Variants in RORA observed in about 807,000 individuals in gnomAD.
The protein encoded by RORA is RAR related orphan receptor A.
In RORA, 7 loss-of-function variants were observed where a neutral mutation model predicts 69.5. The observed-to-expected ratio is 0.10, with a 90% CI of 0.06 to 0.19. The LOEUF (loss-of-function observed/expected upper bound fraction) is 0.19. Among genes scored for constraint, RORA ranks in the 10% least tolerant of loss-of-function variants. The probability of loss-of-function intolerance (pLI) is 1.00; values close to 1 mark genes in which losing one functional copy is unlikely to be tolerated. For missense variants in RORA, 457 were observed against 663.0 expected (o/e 0.69, Z 3.41); for synonymous variants, 261 against 240.8 (o/e 1.08, Z -0.78).
chr15:61,018,021 A>C (rs1173814844), intron 1 of RORA, among the ~76,000 whole-genome samples: 2 of 152,246 alleles, frequency 1.3e-5, no homozygotes, highest in African/African-American at 4.8e-5. Flanking sequence ...GCTCTTCTTA[A>C]GCACTTAGAA....
intron 1 of RORA, among the ~76,000 whole-genome samples, chr15:60,917,276 A>G (rs1891903407): frequency 6.6e-6 from 1 of 152,152 alleles, no homozygotes; most frequent in Non-Finnish European, 1.5e-5. Context: ...TAATATAATT[A>G]TTGCTTTTAC....
chr15:61,169,219 C>T (rs2079564362), intron 1 of RORA, among the ~76,000 whole-genome samples: 2 of 151,960 alleles, frequency 1.3e-5, no homozygotes, highest in Non-Finnish European at 2.9e-5. Flanking sequence ...CTCCCTTCGC[C>T]TTAACCCTTG....
intron 1 of RORA, among the ~76,000 whole-genome samples, chr15:60,856,720 G>A (rs1453170922): frequency 6.6e-6 from 1 of 152,224 alleles, no homozygotes; most frequent in Non-Finnish European, 1.5e-5. Context: ...AAGAGAGAAA[G>A]TGCTGCCTCT....
intron 1 of RORA, among the ~76,000 whole-genome samples, chr15:61,102,695 C>T (rs372618131): frequency 1.3e-5 from 2 of 152,218 alleles, no homozygotes; most frequent in South Asian, 4.1e-4. Context: ...CTCACAATCA[C>T]TCAACCTGCT....
In RORA at chr15:60,635,052, G is replaced by A. The variant is rs184877397; in HGVS notation, c.196+43605C>T. On this transcript the variant is annotated intron_variant, in intron 2 of 10. Transcript: ENST00000335670. ...CAAGAAGTAAGCTAATGAAACCCACGGAGCACGGCCTGCCCCTCTGCTTCC... is the reference window on the plus strand; with the variant it reads ...CAAGAAGTAAGCTAATGAAACCCACAGAGCACGGCCTGCCCCTCTGCTTCC... 1.1e-4 allele frequency among the ~76,000 whole-genome samples: 16 copies of A among 152,242 alleles called. No individual in the cohort carries two copies. The South Asian group carries it at 2.1e-3, about 20-fold the overall frequency.
chr15:60,849,904 G>A (rs1489765718), intron 1 of RORA, among the ~76,000 whole-genome samples: 1 of 152,158 alleles, frequency 6.6e-6, no homozygotes, highest in Non-Finnish European at 1.5e-5. Flanking sequence ...GGCTAGTGAG[G>A]TGCGTCTCAA....
intron 1 of RORA, among the ~76,000 whole-genome samples, chr15:61,163,147 T>A (rs1405889964): frequency 6.6e-6 from 1 of 152,222 alleles, no homozygotes; most frequent in Non-Finnish European, 1.5e-5. Context: ...TGTTTTCCAG[T>A]TAACTATCTA....
intron 1 of RORA, among the ~76,000 whole-genome samples, chr15:60,831,125 C>G (rs341391): frequency 0.46 from 70,097 of 152,176 alleles, 17,780 homozygotes; most frequent in African/African-American, 0.67. Context: ...CTGTGTCTTC[C>G]GCTCTCTTCT....
intron 2 of RORA, among the ~76,000 whole-genome samples, chr15:60,568,018 T>C (rs1375256683): frequency 1.3e-5 from 2 of 152,210 alleles, no homozygotes; most frequent in Non-Finnish European, 2.9e-5. Context: ...TAATTCTTTG[T>C]TGTGGCTAGA....
chr15:60,505,373 C>T (rs1234346435), intron 6 of RORA, 135 bp downstream of exon 6: 1 of 910,070 alleles, frequency 1.1e-6, no homozygotes, highest in Admixed American at 2.3e-5. Context: ...TTAGTAGCTT[C>T]AGAAAAAAGA....
chr15:60,572,755 ACTATT>A (rs958718966), intron 2 of RORA, among the ~76,000 whole-genome samples: 1 of 152,186 alleles, frequency 6.6e-6, no homozygotes, highest in African/African-American at 2.4e-5. Flanking sequence ...TCAGATCACC[ACTATT>A]CTGGATCAAT....
chr15:60,801,145 G>A (rs1052483025), intron 1 of RORA, among the ~76,000 whole-genome samples: 2 of 152,178 alleles, frequency 1.3e-5, no homozygotes, highest in African/African-American at 2.4e-5. Flanking sequence ...CTTACTTGGC[G>A]CAGACCCTAT....
intron 2 of RORA, among the ~76,000 whole-genome samples, chr15:60,566,890 C>T (rs976350874): frequency 6.6e-6 from 1 of 152,016 alleles, no homozygotes; most frequent in African/African-American, 2.4e-5. Flanking sequence ...AAGTGGGTAG[C>T]CAGGTTGGCG....
At chr15:60,650,056 T>A (rs1207015363) in intron 2 of RORA, among the ~76,000 whole-genome samples, 1 of 152,222 alleles carries the variant, frequency 6.6e-6, no homozygotes, top group African/African-American at 2.4e-5. Flanking sequence ...ACATCCTTTA[T>A]CTTTTCATCC....
intron 1 of RORA, among the ~76,000 whole-genome samples, chr15:60,738,765 C>T (rs1271882071): frequency 6.6e-6 from 1 of 152,224 alleles, no homozygotes; most frequent in African/African-American, 2.4e-5. Flanking sequence ...AGAGGAAGCG[C>T]ATTGTCTTAC....
chr15:60,846,068 A>G lies in RORA; in HGVS notation c.167-167382T>C, dbSNP rs139279746. Among the ~76,000 whole-genome samples, 343 of 152,224 alleles carry G rather than the reference A, an allele frequency of 2.3e-3. 2 individuals are homozygous for G. Among genetic ancestry groups the G allele is most frequent in the Non-Finnish European group, 3.8e-3 (258 of 68,010 alleles). On this transcript the variant is annotated intron_variant, in intron 1 of 10. Coordinates refer to ENST00000335670, the MANE Select transcript of RORA (RefSeq NM_134261.3). ...CTGTGAAGCTATTTTTATTACCACCACCAGCATGATCCCTTCAGACCCTCT... is the reference window on the plus strand; with the variant it reads ...CTGTGAAGCTATTTTTATTACCACCGCCAGCATGATCCCTTCAGACCCTCT...
chr15:60,625,850 T>C (rs749105609), intron 2 of RORA, among the ~76,000 whole-genome samples: 1 of 152,260 alleles, frequency 6.6e-6, no homozygotes, highest in Non-Finnish European at 1.5e-5. Flanking sequence ...TTACATCCTT[T>C]CGTACCTTTT....
At chr15:60,533,830 G>T (rs904015316) in intron 2 of RORA, among the ~76,000 whole-genome samples, 6 of 152,174 alleles carry the variant, frequency 3.9e-5, no homozygotes, top group African/African-American at 1.4e-4. Context: ...GACCTACTTG[G>T]AGCTGCTTCT....
rs530066701 is a variant in RORA at position 60,660,342 on chromosome 15, A to G, written c.196+18315T>C. On this transcript the variant is annotated intron_variant, in intron 2 of 10. Coordinates refer to ENST00000335670, the MANE Select transcript of RORA (RefSeq NM_134261.3). ...AGTAATTCTCAGTTTTCCCAAATGC[A>G]TAAATGATTTAGGCAACCTTAATGG... is the stretch of plus-strand genomic sequence containing the variant. 2.0e-5 allele frequency among the ~76,000 whole-genome samples: 3 copies of G among 152,350 alleles called. No homozygotes were observed. In the East Asian group the frequency reaches 5.8e-4, roughly 29 times the overall value.
Sources: gnomAD v4.1 joint callset for allele counts (sites outside exome capture counted in the v4.1 genomes callset) on GRCh38, gnomAD v4.1.1 for gene constraint, MANE v1.5 for transcripts, NCBI Gene and HGNC (gene_info 2026-07-23, HGNC 2026-07-21) for gene names.